The following LYVE1 variants were observed in gnomAD, a reference collection of about 807,000 sequenced individuals.
LYVE1 encodes lymphatic vessel endothelial hyaluronic acid receptor 1.
Under a neutral mutation model 31.5 loss-of-function variants are expected in LYVE1, and 29 were observed. The observed-to-expected ratio is 0.92, with a 90% CI of 0.69 to 1.26. The LOEUF is 1.26. Among genes scored for constraint, LYVE1 ranks in the 50% most tolerant of loss-of-function variants. The pLI is 0.00. For synonymous variants in LYVE1, 134 were observed against 139.4 expected (o/e 0.96, Z 0.27); for missense variants, 376 against 380.2 (o/e 0.99, Z 0.09).
In LYVE1 at chr11:10,557,928, G is replaced by C. The variant is rs951737533; in HGVS notation, c.*1183C>G. ...TTTCTGCATCTCTCAGTCCCTTCTT[G>C]TTGGAAAAAGGAGGGCTAGTGATAC... is the stretch of plus-strand genomic sequence containing the variant. On this transcript the variant is annotated 3_prime_UTR_variant, in exon 6 of 6. Coordinates refer to ENST00000256178, the MANE Select transcript of LYVE1 (RefSeq NM_006691.4). 3 of 152,130 alleles carry C rather than the reference G, an allele frequency of 2.0e-5. No homozygotes were observed. The highest frequency in any genetic ancestry group is 7.2e-5 in the African/African-American group (3 of 41,424). 9.4% of individuals were successfully genotyped at this position (152,130 alleles called of 1,614,324 possible).
chr11:10,560,204 A>C (rs1023712204), intron 4 of LYVE1, among the ~76,000 whole-genome samples: 39 of 152,192 alleles, frequency 2.6e-4, no homozygotes, highest in African/African-American at 9.2e-4. Flanking sequence ...ATAGGCCTTT[A>C]GGGTATATAT....
intron 3 of LYVE1, among the ~76,000 whole-genome samples, chr11:10,563,550 T>G (rs1850474455): frequency 1.3e-5 from 2 of 152,176 alleles, no homozygotes. Context: ...TGTAGATTTT[T>G]GTATATGATG....
In LYVE1 at chr11:10,559,249, C is replaced by A. The variant is rs773591780; in HGVS notation, c.831G>T (p.Met277Ile). 4.3e-6 allele frequency: 7 copies of A among 1,614,110 alleles called. No homozygotes were observed. The South Asian group carries it at 7.7e-5, about 18-fold the overall frequency. Residue 277 changes from methionine (M) to isoleucine (I), a missense_variant, in exon 6 of 6, where the codon ATG becomes ATT. Physicochemically the swap from Met to Ile is conservative, Grantham distance 10. Transcript: ENST00000256178. ...PFTNKNQQKE[M>I]IETKVVKEEK... is the part of the protein sequence containing the mutation. ...CCTCCTTTACTACTTTGGTTTCGAT[C>A]ATTTCCTTCTGCTGATTCTTGTTTG...
At position 10,557,704 on chromosome 11, in the gene LYVE1, G is replaced by A. The variant is rs1850341812; in HGVS notation, c.*1407C>T. 1 of 152,212 alleles carries A rather than the reference G, an allele frequency of 6.6e-6. No individual in the cohort carries two copies. The highest frequency in any genetic ancestry group is 6.5e-5 in the Admixed American group (1 of 15,286). 9.4% of individuals were successfully genotyped at this position (152,212 alleles called of 1,614,324 possible). A position where few individuals can be genotyped will look rare whatever the true frequency, so the allele number is the denominator to read the frequency against. ...GCCAACTCAAAATAAAATGTTTGGA[G>A]CATGAATAGCCCCATATGATATATG... On this transcript the variant is annotated 3_prime_UTR_variant, in exon 6 of 6. Transcript: ENST00000256178.
chr11:10,568,402 A>G (rs771764806), intron 1 of LYVE1, 46 bp downstream of exon 1: 1 of 1,582,794 alleles, frequency 6.3e-7, no homozygotes, highest in African/African-American at 1.3e-5. Flanking sequence ...TAGGAGGCTT[A>G]GGACTGAAGC....
At position 10,558,018 on chromosome 11, in the gene LYVE1, T is replaced by A. The variant is rs1179086505; in HGVS notation, c.*1093A>T. 4 of 152,204 alleles carry A rather than the reference T, an allele frequency of 2.6e-5. No individual in the cohort carries two copies. Among genetic ancestry groups the A allele is most frequent in the African/African-American group, 4.8e-5 (2 of 41,464 alleles). 9.4% of individuals were successfully genotyped at this position (152,204 alleles called of 1,614,324 possible). On this transcript the variant is annotated 3_prime_UTR_variant, in exon 6 of 6. Transcript: ENST00000256178. The stretch of plus-strand genomic sequence containing the variant: ...GAGGTAACAATGTACTTCTTAGGTA[T>A]GTTAATAATAAATTAAGGTTATAAT...
chr11:10,566,478 GAC>G (rs908560172), intron 1 of LYVE1, among the ~76,000 whole-genome samples: 4 of 151,896 alleles, frequency 2.6e-5, no homozygotes, highest in African/African-American at 9.7e-5. Flanking sequence ...AACACACACA[GAC>G]ACACACACAC....
chr11:10,557,641 C>A lies in LYVE1; in HGVS notation c.*1470G>T, dbSNP rs1481524185. 1.3e-5 allele frequency: 2 copies of A among 152,194 alleles called. No individual in the cohort carries two copies. Among genetic ancestry groups the A allele is most frequent in the Non-Finnish European group, 2.9e-5 (2 of 68,036 alleles). 9.4% of individuals were successfully genotyped at this position (152,194 alleles called of 1,614,324 possible). ...GAAATGGATGGAAATGGAGGGCCAG[C>A]ATCTCTAGTAAAGGACTGTTTAATG... is the stretch of plus-strand genomic sequence containing the variant. On this transcript the variant is annotated 3_prime_UTR_variant, in exon 6 of 6. Coordinates refer to ENST00000256178, the MANE Select transcript of LYVE1 (RefSeq NM_006691.4).
At position 10,563,972 on chromosome 11, in the gene LYVE1, C is replaced by T. The variant is rs150509271; in HGVS notation, c.365G>A (p.Arg122Gln). 86 of 1,614,156 alleles carry T rather than the reference C, an allele frequency of 5.3e-5. No individual in the cohort carries two copies. In the Admixed American group the frequency reaches 7.3e-4, roughly 14 times the overall value. The change falls in exon 3 of 6, where the codon CGA (arginine) becomes CAA (glutamine). Residue 122 changes from arginine to glutamine, a missense_variant. Physicochemically the swap from Arg to Gln is conservative, Grantham distance 43. Transcript: ENST00000256178. ...GTTGTAACAATAGGCTGCAAACTGTCGGCTCACTGGAACCTTCCAAATCAG... is the reference window on the plus strand; with the variant it reads ...GTTGTAACAATAGGCTGCAAACTGTTGGCTCACTGGAACCTTCCAAATCAG... ...GVLIWKVPVSRQFAAYCYNSS... is the reference protein window; with the variant it reads ...GVLIWKVPVSQQFAAYCYNSS...
At chr11:10,566,535 G>A (rs947209344) in intron 1 of LYVE1, among the ~76,000 whole-genome samples, 1 of 152,060 alleles carries the variant, frequency 6.6e-6, no homozygotes, top group African/African-American at 2.4e-5. Flanking sequence ...CTGAAATTTG[G>A]CTCTTTTAGC....
At chr11:10,562,410 A>C (rs1019493923) in intron 3 of LYVE1, among the ~76,000 whole-genome samples, 5 of 152,224 alleles carry the variant, frequency 3.3e-5, no homozygotes, top group African/African-American at 1.2e-4. Context: ...AAGTTTCTCC[A>C]TGGGCCTTTT....
rs1850362998 is a variant in LYVE1, at chr11:10,558,996, A to G, written c.*115T>C. On this transcript the variant is annotated 3_prime_UTR_variant, in exon 6 of 6. Transcript: ENST00000256178. Reference sequence around the variant, plus strand: ...AGTCCTGAGCTGATTCCAGTTAGGAACCAAGGGTGGACTTTCTTCTTTGGT... The same window carrying G: ...AGTCCTGAGCTGATTCCAGTTAGGAGCCAAGGGTGGACTTTCTTCTTTGGT... 1.0e-6 allele frequency: 1 copy of G among 952,414 alleles called. No individual in the cohort carries two copies. Among genetic ancestry groups the G allele is most frequent in the Non-Finnish European group, 1.6e-6 (1 of 622,766 alleles). 59.0% of individuals were successfully genotyped at this position (952,414 alleles called of 1,614,324 possible). A position where few individuals can be genotyped will look rare whatever the true frequency, so the allele number is the denominator to read the frequency against.
In LYVE1 at chr11:10,558,933, A is replaced by G; in HGVS notation, c.*178T>C. The G allele has an allele frequency of 1.7e-6, 1 of 587,578 alleles. No homozygotes were observed. The highest frequency in any genetic ancestry group is 3.0e-6 in the Non-Finnish European group (1 of 332,552). 36.4% of individuals were successfully genotyped at this position (587,578 alleles called of 1,614,324 possible). On this transcript the variant is annotated 3_prime_UTR_variant, in exon 6 of 6. Transcript: ENST00000256178. Reference sequence around the variant, plus strand: ...ATCCAGACAGGGTTACAATAAGGAGAAGGGCATTCTCTTTGGTGCACTCCA... The same window carrying G: ...ATCCAGACAGGGTTACAATAAGGAGGAGGGCATTCTCTTTGGTGCACTCCA...
Position 10,559,020 on chromosome 11 carries a change from G to C in LYVE1, c.*91C>G, listed in dbSNP as rs1465209706. ...AACCAAGGGTGGACTTTCTTCTTTG[G>C]TTCTTTGGCCCTTTTGATTTCCCCA... On this transcript the variant is annotated 3_prime_UTR_variant, in exon 6 of 6. Transcript: ENST00000256178. 5 of 1,240,284 alleles carry C rather than the reference G, an allele frequency of 4.0e-6. No homozygotes were observed. The highest frequency in any genetic ancestry group is 5.7e-6 in the Non-Finnish European group (5 of 880,142). The allele number at this position is 1,240,284 out of a possible 1,614,324, so 76.8% of individuals were successfully genotyped here.
chr11:10,567,181 C>A (rs576240231), intron 1 of LYVE1, among the ~76,000 whole-genome samples: 1 of 152,310 alleles, frequency 6.6e-6, no homozygotes, highest in African/African-American at 2.4e-5. Context: ...TGTATATACA[C>A]ACCTAGCTCT....
chr11:10,566,790 G>A lies in LYVE1; in HGVS notation c.85+1658C>T, dbSNP rs191085219. 5.2e-3 allele frequency among the ~76,000 whole-genome samples: 794 copies of A among 152,232 alleles called. 4 individuals carry two copies. The highest frequency in any genetic ancestry group is 0.035 in the South Asian group (169 of 4,824). On this transcript the variant is annotated intron_variant, in intron 1 of 5. Coordinates refer to ENST00000256178, the MANE Select transcript of LYVE1 (RefSeq NM_006691.4). ...AAGTCAGCATTCTCATCTGAAAATG[G>A]GGATGGATATATCTTCTTCACATGA... is the stretch of plus-strand genomic sequence containing the variant.
At chr11:10,567,675 C>G (rs1250691269) in intron 1 of LYVE1, among the ~76,000 whole-genome samples, 1 of 152,100 alleles carries the variant, frequency 6.6e-6, no homozygotes, top group Non-Finnish European at 1.5e-5. Flanking sequence ...AATTTTTTTG[C>G]CTACAGTGCA....
chr11:10,567,901 T>C (rs1008459849), intron 1 of LYVE1, among the ~76,000 whole-genome samples: 28 of 152,158 alleles, frequency 1.8e-4, no homozygotes, highest in African/African-American at 6.5e-4. Flanking sequence ...CCAAAAAACA[T>C]AAAAACAGGC....
At chr11:10,560,856 T>G in intron 3 of LYVE1, 56 bp from the exon 4 acceptor site, 1 of 1,407,014 alleles carries the variant, frequency 7.1e-7, no homozygotes. Context: ...CTAACTGTTC[T>G]TCTTGCCTCT....
Sources: gnomAD v4.1 joint callset for allele counts (sites outside exome capture counted in the v4.1 genomes callset) on GRCh38, gnomAD v4.1.1 for gene constraint, MANE v1.5 for transcripts, NCBI Gene and HGNC (gene_info 2026-07-23, HGNC 2026-07-21) for gene names.